The following ACTN2 variants were observed in gnomAD, a reference collection of about 807,000 sequenced individuals.
ACTN2 encodes the protein actinin alpha 2.
Under a neutral mutation model 113.8 loss-of-function variants are expected in ACTN2, and 39 were observed. The ratio of observed to expected loss-of-function variants is 0.34; its 90% CI spans 0.27 to 0.45. ACTN2 has a LOEUF of 0.45. Ranked by LOEUF, ACTN2 falls within the 20% of genes least tolerant of loss-of-function variation. ACTN2 has a pLI of 1.00. For missense variants in ACTN2, 992 were observed against 1,177.9 expected (o/e 0.84, Z 2.31); for synonymous variants, 429 against 444.1 (o/e 0.97, Z 0.43).
At chr1:236,693,075 C>T (rs182890736) in intron 1 of ACTN2, among the ~76,000 whole-genome samples, 3 of 152,142 alleles carry the variant, frequency 2.0e-5, no homozygotes, top group African/African-American at 7.2e-5. Context: ...TTGCAAACTA[C>T]TATGCTAGAC....
At chr1:236,728,143 CTTTTTTTT>C (rs11436295) in intron 6 of ACTN2, among the ~76,000 whole-genome samples, 41 of 121,088 alleles carry the variant, frequency 3.4e-4, no homozygotes, top group African/African-American at 1.2e-3. Flanking sequence ...TAGCCCAAGC[CTTTTTTTT>C]TTTTTTTTTT....
intron 12 of ACTN2, 142 bp downstream of exon 12, chr1:236,744,918 TTAAATGTAGAA>T: frequency 2.7e-6 from 3 of 1,127,250 alleles, no homozygotes; most frequent in Non-Finnish European, 3.7e-6. Context: ...CCTTGTTTCT[TTAAATGTAGAA>T]ACAGATTTTG....
chr1:236,710,939 G>A (rs1208488200), intron 1 of ACTN2, among the ~76,000 whole-genome samples: 1 of 151,622 alleles, frequency 6.6e-6, no homozygotes, highest in African/African-American at 2.4e-5. Context: ...ACCGGTCCCT[G>A]GTGCCAAAAA....
chr1:236,762,526 G>A lies in ACTN2; in HGVS notation c.2592G>A (p.Lys864=). The part of the protein sequence containing the change: ...LPPDQAQYCI[K]RMPAYSGPGS... Reference sequence around the variant, plus strand: ...CGGATCAGGCCCAGTACTGCATCAAGAGGATGCCCGCCTACTCGGGCCCAG... The same window carrying A: ...CGGATCAGGCCCAGTACTGCATCAAAAGGATGCCCGCCTACTCGGGCCCAG... The change falls in exon 21 of 21, where the codon AAG becomes AAA. Residue 864 remains lysine (K), a synonymous_variant. Coordinates refer to ENST00000366578, the MANE Select transcript of ACTN2 (RefSeq NM_001103.4). 1 of 1,614,176 alleles carries A rather than the reference G, an allele frequency of 6.2e-7. No homozygotes were observed. Among genetic ancestry groups the A allele is most frequent in the Non-Finnish European group, 8.5e-7 (1 of 1,180,016 alleles).
At position 236,753,142 on chromosome 1, in the gene ACTN2, A is replaced by G. The variant is rs1005609431; in HGVS notation, c.1840-805A>G. 2.0e-5 allele frequency among the ~76,000 whole-genome samples: 3 copies of G among 152,222 alleles called. No homozygotes were observed. In the South Asian group the frequency reaches 6.2e-4, roughly 31 times the overall value. ...TAAGAATCGAACTCATGAACCCAGCATGGGCTCTTCACATTTTGGTGTCAT... is the reference window on the plus strand; with the variant it reads ...TAAGAATCGAACTCATGAACCCAGCGTGGGCTCTTCACATTTTGGTGTCAT... On this transcript the variant is annotated intron_variant, in intron 15 of 20. Transcript: ENST00000366578.
intron 15 of ACTN2, among the ~76,000 whole-genome samples, chr1:236,752,525 A>C (rs1659426182): frequency 6.7e-6 from 1 of 148,414 alleles, no homozygotes. Context: ...GGGGGGAGGA[A>C]ATATATCATT....
chr1:236,757,432 G>A (rs1429400060), intron 17 of ACTN2, 54 bp from the exon 18 acceptor site: 2 of 1,610,838 alleles, frequency 1.2e-6, no homozygotes, highest in African/African-American at 2.7e-5. Context: ...TAAAGAGGCA[G>A]AGTTGACATG....
rs2102917149 is a variant in ACTN2, at chr1:236,735,727, A to G, written c.783+7A>G. The G allele has an allele frequency of 6.2e-7, 1 of 1,613,158 alleles. No homozygotes were observed. Among genetic ancestry groups the G allele is most frequent in the Non-Finnish European group, 8.5e-7 (1 of 1,179,126 alleles). On this transcript the variant is annotated splice_region_variant and intron_variant, in intron 8 of 20. Transcript: ENST00000366578. ...TTTTGCGGGCGCGGAGCAGGTACTCAACACTTGTCCGTCCGGGCTGTTGTG... is the reference window on the plus strand; with the variant it reads ...TTTTGCGGGCGCGGAGCAGGTACTCGACACTTGTCCGTCCGGGCTGTTGTG...
At chr1:236,761,688 T>C (rs959205848) in intron 20 of ACTN2, among the ~76,000 whole-genome samples, 1 of 152,152 alleles carries the variant, frequency 6.6e-6, no homozygotes, top group Non-Finnish European at 1.5e-5. Context: ...AGGAGTTTAA[T>C]TGCCAGTTCA....
chr1:236,704,102 A>G (rs1657755848), intron 1 of ACTN2, among the ~76,000 whole-genome samples: 1 of 152,208 alleles, frequency 6.6e-6, no homozygotes, highest in Non-Finnish European at 1.5e-5. Context: ...GACGTGGAAA[A>G]GGAACTGCCT....
chr1:236,711,999 A>C (rs549322461), intron 1 of ACTN2, among the ~76,000 whole-genome samples: 4 of 152,274 alleles, frequency 2.6e-5, no homozygotes, highest in Admixed American at 2.0e-4. Flanking sequence ...TGGCTTGGTA[A>C]TCTGTTTTAA....
chr1:236,757,436 T>A, intron 17 of ACTN2, 50 bp from the exon 18 acceptor site: 1 of 1,612,582 alleles, frequency 6.2e-7, no homozygotes, highest in Non-Finnish European at 8.5e-7. Context: ...GAGGCAGAGT[T>A]GACATGCTGG....
At chr1:236,736,752 C>A in intron 8 of ACTN2, 1 of 906,894 alleles carries the variant, frequency 1.1e-6, no homozygotes. Context: ...ATCCCATCGT[C>A]ATGAGATCAG....
chr1:236,727,181 A>G (rs926975944), intron 5 of ACTN2, among the ~76,000 whole-genome samples: 5 of 36,594 alleles, frequency 1.4e-4, no homozygotes, highest in African/African-American at 2.3e-4. Context: ...TAAAAAAAGA[A>G]AAAGAAAAAA....
At chr1:236,729,276 A>G (rs544148010) in intron 6 of ACTN2, among the ~76,000 whole-genome samples, 2 of 152,106 alleles carry the variant, frequency 1.3e-5, no homozygotes, top group African/African-American at 4.8e-5. Context: ...GTGAACCGAG[A>G]TGGCACCACT....
At chr1:236,736,753 A>C in intron 8 of ACTN2, 1 of 900,454 alleles carries the variant, frequency 1.1e-6, no homozygotes, top group East Asian at 2.6e-5. Flanking sequence ...TCCCATCGTC[A>C]TGAGATCAGT....
intron 4 of ACTN2, among the ~76,000 whole-genome samples, chr1:236,720,950 G>A (rs1402862180): frequency 1.3e-5 from 2 of 150,404 alleles, no homozygotes; most frequent in East Asian, 3.9e-4. Context: ...GTACCTGAGT[G>A]GTAAGGGGTG....
chr1:236,718,073 G>A lies in ACTN2; in HGVS notation c.241+101G>A, dbSNP rs1016368419. ...AGAAGTTCGCTTTGAACTTGGCTGG[G>A]CAAGAACATGGTATTATTGCCAAAG... On this transcript the variant is annotated intron_variant, in intron 2 of 20. Coordinates refer to ENST00000366578, the MANE Select transcript of ACTN2 (RefSeq NM_001103.4). The A allele has an allele frequency of 7.8e-6, 7 of 902,052 alleles. No homozygotes were observed. The Admixed American group carries it at 1.4e-4, about 18-fold the overall frequency. 55.9% of individuals were successfully genotyped at this position (902,052 alleles called of 1,614,324 possible).
intron 6 of ACTN2, among the ~76,000 whole-genome samples, chr1:236,728,466 G>A (rs1658624098): frequency 6.6e-6 from 1 of 152,166 alleles, no homozygotes; most frequent in African/African-American, 2.4e-5. Flanking sequence ...TTAAAGTCAA[G>A]TTCCCTTGAC....
Sources: gnomAD v4.1 joint callset for allele counts (sites outside exome capture counted in the v4.1 genomes callset) on GRCh38, gnomAD v4.1.1 for gene constraint, MANE v1.5 for transcripts, NCBI Gene and HGNC (gene_info 2026-07-23, HGNC 2026-07-21) for gene names.